Variants in SOX5 observed in about 807,000 individuals in gnomAD.
The protein encoded by SOX5 is SRY-box transcription factor 5, also known as transcription factor SOX-5.
SOX5 carries 9 observed loss-of-function variants against 92.0 expected under a neutral mutation model. The ratio of observed to expected loss-of-function variants is 0.10; its 90% CI spans 0.06 to 0.17. SOX5 has a LOEUF of 0.17. Ranked by LOEUF, SOX5 falls within the 10% of genes least tolerant of loss-of-function variation. The pLI, the probability that SOX5 is intolerant of heterozygous loss-of-function variation, is 1.00. For synonymous variants in SOX5, 344 were observed against 336.3 expected, an observed-to-expected ratio of 1.02 and a Z score of -0.25; for missense variants, 642 against 944.5, an observed-to-expected ratio of 0.68 and a Z score of 4.20.
intron 1 of SOX5, among the ~76,000 whole-genome samples, chr12:24,437,287 G>C (rs766369984): frequency 6.6e-6 from 1 of 152,064 alleles, no homozygotes; most frequent in African/African-American, 2.4e-5. Flanking sequence ...ACTGAAACTG[G>C]ACCCCTCCCT....
intron 1 of SOX5, among the ~76,000 whole-genome samples, chr12:24,435,511 C>G (rs1939234788): frequency 6.6e-6 from 1 of 152,188 alleles, no homozygotes; most frequent in Non-Finnish European, 1.5e-5. Context: ...CTTTCTACTA[C>G]TAGATTATAC....
intron 4 of SOX5, among the ~76,000 whole-genome samples, chr12:23,976,939 G>A (rs944322503): frequency 2.0e-5 from 3 of 151,702 alleles, no homozygotes; most frequent in Non-Finnish European, 4.4e-5. Context: ...AGGGAAAGGA[G>A]GAAAGAAAGT....
intron 3 of SOX5, among the ~76,000 whole-genome samples, chr12:23,783,980 C>T (rs1025633319): frequency 6.6e-6 from 1 of 152,186 alleles, no homozygotes; most frequent in Non-Finnish European, 1.5e-5. Flanking sequence ...ACATTTGTGA[C>T]ACCGTTATTC....
intron 1 of SOX5, among the ~76,000 whole-genome samples, chr12:24,432,435 A>T (rs964484627): frequency 6.6e-6 from 1 of 152,220 alleles, no homozygotes; most frequent in Admixed American, 6.5e-5. Flanking sequence ...GAGGAGATGT[A>T]CATTTATAGT....
chr12:24,146,613 AAAG>A (rs1209962209), intron 4 of SOX5, among the ~76,000 whole-genome samples: 1 of 152,062 alleles, frequency 6.6e-6, no homozygotes, highest in African/African-American at 2.4e-5. Flanking sequence ...CAGAAGAAAC[AAAG>A]AAAAGTAAAT....
intron 1 of SOX5, among the ~76,000 whole-genome samples, chr12:24,441,177 G>A (rs181469877): frequency 6.2e-4 from 95 of 152,294 alleles, no homozygotes; most frequent in South Asian, 1.0e-3. Context: ...AACTCTGTAT[G>A]CAGAGAAATA....
At chr12:24,514,927 GA>G (rs1323610388) in intron 1 of SOX5, among the ~76,000 whole-genome samples, 3 of 152,084 alleles carry the variant, frequency 2.0e-5, no homozygotes, top group African/African-American at 7.2e-5. Context: ...AGAGGATCAG[GA>G]AAAATAACTA....
At chr12:23,612,018 A>G (rs2076023182) in intron 8 of SOX5, among the ~76,000 whole-genome samples, 1 of 152,050 alleles carries the variant, frequency 6.6e-6, no homozygotes, top group South Asian at 2.1e-4. Flanking sequence ...TAATTTGTGA[A>G]CTTTTTACAC....
At chr12:23,930,157 C>A (rs1483662929) in intron 1 of SOX5, among the ~76,000 whole-genome samples, 3 of 151,788 alleles carry the variant, frequency 2.0e-5, no homozygotes, top group African/African-American at 4.8e-5. Context: ...GGGCAACATG[C>A]AGAGAAAATG....
At chr12:23,626,119 AGAGAAACG>A (rs1566480834) in intron 8 of SOX5, among the ~76,000 whole-genome samples, 22 of 152,206 alleles carry the variant, frequency 1.4e-4, no homozygotes, top group African/African-American at 5.1e-4. Flanking sequence ...AGAAAGAGAC[AGAGAAACG>A]GAGAGAGATA....
chr12:23,971,543 A>G (rs1948342394), intron 4 of SOX5, among the ~76,000 whole-genome samples: 1 of 150,368 alleles, frequency 6.7e-6, no homozygotes, highest in South Asian at 2.1e-4. Context: ...ATATATATAT[A>G]TATATTAAAT....
At chr12:24,399,194 A>C (rs1023457252) in intron 1 of SOX5, among the ~76,000 whole-genome samples, 5 of 151,698 alleles carry the variant, frequency 3.3e-5, no homozygotes, top group East Asian at 1.9e-4. Context: ...CAAAAAAAAA[A>C]CCAAACAAAC....
chr12:24,064,922 C>G (rs1007157528), intron 4 of SOX5, among the ~76,000 whole-genome samples: 1 of 152,064 alleles, frequency 6.6e-6, no homozygotes, highest in Admixed American at 6.5e-5. Context: ...AGGCTATCAG[C>G]CAAAGAAAGT....
chr12:24,162,727 T>C (rs920047457), intron 4 of SOX5, among the ~76,000 whole-genome samples: 2 of 152,098 alleles, frequency 1.3e-5, no homozygotes, highest in African/African-American at 4.8e-5. Flanking sequence ...GGAATCCTTT[T>C]TTTACTCCCC....
At chr12:23,922,774 C>T (rs1471835847) in intron 1 of SOX5, among the ~76,000 whole-genome samples, 1 of 152,078 alleles carries the variant, frequency 6.6e-6, no homozygotes, top group Non-Finnish European at 1.5e-5. Flanking sequence ...TTGTGCTTGG[C>T]ATGAGGAAAT....
chr12:24,354,123 C>G (rs950707561), intron 2 of SOX5, among the ~76,000 whole-genome samples: 2 of 152,188 alleles, frequency 1.3e-5, no homozygotes, highest in Non-Finnish European at 2.9e-5. Context: ...AAAAAATGCT[C>G]TGGAGGAAAA....
intron 4 of SOX5, among the ~76,000 whole-genome samples, chr12:24,163,020 C>A (rs1952947766): frequency 6.6e-6 from 1 of 152,034 alleles, no homozygotes; most frequent in Non-Finnish European, 1.5e-5. Context: ...ATGCTGTGAG[C>A]CTCTTCCTAA....
intron 4 of SOX5, among the ~76,000 whole-genome samples, chr12:23,956,505 G>T (rs1300473590): frequency 6.6e-6 from 1 of 152,054 alleles, no homozygotes; most frequent in East Asian, 1.9e-4. Context: ...AATGCCTGAT[G>T]ATCTGAGGTG....
chr12:23,786,772 T>C (rs2095387784), intron 3 of SOX5, among the ~76,000 whole-genome samples: 1 of 145,986 alleles, frequency 6.8e-6, no homozygotes, highest in African/African-American at 2.5e-5. Context: ...GCCTGACCCA[T>C]TCTTGATTTG....
Sources: gnomAD v4.1 joint callset for allele counts (sites outside exome capture counted in the v4.1 genomes callset) on GRCh38, gnomAD v4.1.1 for gene constraint, MANE v1.5 for transcripts, NCBI Gene and HGNC (gene_info 2026-07-23, HGNC 2026-07-21) for gene names.